TP63: variants seen among roughly 807,000 people sequenced by gnomAD.
The protein encoded by TP63 is tumor protein p63.
In TP63, 17 loss-of-function variants were observed where a neutral mutation model predicts 82.8. That is an observed-to-expected ratio of 0.21 (90% CI 0.14 to 0.31). The LOEUF (loss-of-function observed/expected upper bound fraction) is 0.31. Ranked by LOEUF, TP63 falls within the 10% of genes least tolerant of loss-of-function variation. The probability of loss-of-function intolerance (pLI) is 1.00; values close to 1 mark genes in which losing one functional copy is unlikely to be tolerated. For missense variants in TP63, 648 were observed against 895.3 expected (o/e 0.72, Z 3.52); for synonymous variants, 330 against 321.7 (o/e 1.03, Z -0.28).
intron 1 of TP63, among the ~76,000 whole-genome samples, chr3:189,676,606 G>T (rs551677011): frequency 6.6e-6 from 1 of 151,708 alleles, no homozygotes; most frequent in Admixed American, 6.6e-5. Context: ...AAAAAAAATA[G>T]ACTTAGGGAG....
At chr3:189,675,511 A>G (rs1715310183) in intron 1 of TP63, among the ~76,000 whole-genome samples, 1 of 152,146 alleles carries the variant, frequency 6.6e-6, no homozygotes, top group African/African-American at 2.4e-5. Context: ...TGCTATTTGT[A>G]CCAGGTCACA....
chr3:189,811,395 C>T (rs1317611267), intron 4 of TP63, among the ~76,000 whole-genome samples: 2 of 152,174 alleles, frequency 1.3e-5, no homozygotes, highest in Non-Finnish European at 1.5e-5. Flanking sequence ...ATAAATTTTA[C>T]AATCAGGTTT....
At chr3:189,737,220 G>T (rs189901943) in intron 1 of TP63, among the ~76,000 whole-genome samples, 119 of 152,220 alleles carry the variant, frequency 7.8e-4, no homozygotes, top group African/African-American at 2.6e-3. Context: ...TATTGTCCCT[G>T]AGTGTGATTC....
chr3:189,709,751 A>G (rs1187670977), intron 1 of TP63, among the ~76,000 whole-genome samples: 1 of 152,134 alleles, frequency 6.6e-6, no homozygotes, highest in Non-Finnish European at 1.5e-5. Context: ...TATAATTCCT[A>G]AGAGGACACT....
At chr3:189,643,763 T>C (rs1712143767) in intron 1 of TP63, among the ~76,000 whole-genome samples, 1 of 152,216 alleles carries the variant, frequency 6.6e-6, no homozygotes, top group Non-Finnish European at 1.5e-5. Flanking sequence ...GGTTCTTTAG[T>C]AGAAGCAATG....
In TP63 at chr3:189,844,371, C is replaced by A. The variant is rs185822901; in HGVS notation, c.580-19861C>A. 227 of 370,288 alleles carry A rather than the reference C, an allele frequency of 6.1e-4. No individual in the cohort carries two copies. The Middle Eastern group carries it at 0.015, about 25-fold the overall frequency. 22.9% of individuals were successfully genotyped at this position (370,288 alleles called of 1,614,324 possible). A position where few individuals can be genotyped will look rare whatever the true frequency, so the allele number is the denominator to read the frequency against. On this transcript the variant is annotated intron_variant, in intron 4 of 13. Coordinates refer to ENST00000264731, the MANE Select transcript of TP63 (RefSeq NM_003722.5). ...CACGACCTCAGCTCACTGCAACCTC[C>A]GCCTTCTGGATTCAAGCGATTCTCC...
chr3:189,836,325 T>C (rs1163009309), intron 4 of TP63, among the ~76,000 whole-genome samples: 21 of 152,128 alleles, frequency 1.4e-4, no homozygotes, highest in Admixed American at 1.4e-3. Context: ...TTTACAAACA[T>C]GATCAGCACT....
chr3:189,896,260 T>G lies in TP63; in HGVS notation c.*1758T>G. 1 of 219,524 alleles carries G rather than the reference T, an allele frequency of 4.6e-6. No individual in the cohort carries two copies. Among genetic ancestry groups the G allele is most frequent in the Middle Eastern group, 1.4e-3 (1 of 720 alleles). The allele number at this position is 219,524 out of a possible 1,614,324, so 13.6% of individuals were successfully genotyped here. A position where few individuals can be genotyped will look rare whatever the true frequency, so the allele number is the denominator to read the frequency against. ...CTGAAAAGTGTGTATATATTTTGTG[T>G]GAAATTGCATACTTTGTATTTTGAT... On this transcript the variant is annotated 3_prime_UTR_variant, in exon 14 of 14. Coordinates refer to ENST00000264731, the MANE Select transcript of TP63 (RefSeq NM_003722.5).
At chr3:189,758,891 C>G (rs1722372053) in intron 3 of TP63, among the ~76,000 whole-genome samples, 1 of 152,178 alleles carries the variant, frequency 6.6e-6, no homozygotes, top group Admixed American at 6.5e-5. Flanking sequence ...TTGAACCAGA[C>G]AGACTTCTTA....
intron 3 of TP63, among the ~76,000 whole-genome samples, chr3:189,782,724 GTTTGA>G (rs1463518390): frequency 1.3e-5 from 2 of 152,122 alleles, no homozygotes; most frequent in African/African-American, 2.4e-5. Context: ...ACACAATTTA[GTTTGA>G]TTTAAGACCT....
chr3:189,774,185 G>A (rs1024453078), intron 3 of TP63, among the ~76,000 whole-genome samples: 1 of 152,044 alleles, frequency 6.6e-6, no homozygotes, highest in African/African-American at 2.4e-5. Flanking sequence ...GCCTCCCAAA[G>A]TGCTGGGATT....
intron 4 of TP63, among the ~76,000 whole-genome samples, chr3:189,853,245 T>C (rs879621534): frequency 3.3e-5 from 5 of 152,176 alleles, no homozygotes; most frequent in Non-Finnish European, 7.3e-5. Flanking sequence ...AGTAGTCTTA[T>C]AGAAATAAAA....
intron 4 of TP63, among the ~76,000 whole-genome samples, chr3:189,821,286 A>G (rs1251553706): frequency 6.6e-6 from 1 of 152,128 alleles, no homozygotes; most frequent in Non-Finnish European, 1.5e-5. Flanking sequence ...TTACTTTTGA[A>G]TGTATGTTTC....
intron 3 of TP63, among the ~76,000 whole-genome samples, chr3:189,787,047 T>C (rs766215907): frequency 3.3e-5 from 5 of 152,086 alleles, no homozygotes; most frequent in Non-Finnish European, 5.9e-5. Context: ...AGCTCTTTTA[T>C]GGAAATGTTT....
chr3:189,739,099 A>C (rs1487605223), intron 3 of TP63, among the ~76,000 whole-genome samples: 1 of 152,140 alleles, frequency 6.6e-6, no homozygotes, highest in East Asian at 1.9e-4. Flanking sequence ...ACAGCAAAAG[A>C]ATCAGAAATT....
At chr3:189,811,121 G>T (rs1475596169) in intron 4 of TP63, among the ~76,000 whole-genome samples, 1 of 152,166 alleles carries the variant, frequency 6.6e-6, no homozygotes, top group Non-Finnish European at 1.5e-5. Context: ...AGAAAACCTG[G>T]ATTATGGTCT....
chr3:189,839,025 A>G (rs1296212911), intron 4 of TP63, among the ~76,000 whole-genome samples: 4 of 148,242 alleles, frequency 2.7e-5, no homozygotes, highest in African/African-American at 1.0e-4. Context: ...CTAAAAAGCA[A>G]CTAGTATCCT....
chr3:189,884,317 A>G (rs1402540686), intron 10 of TP63, among the ~76,000 whole-genome samples: 1 of 152,210 alleles, frequency 6.6e-6, no homozygotes, highest in Non-Finnish European at 1.5e-5. Flanking sequence ...TAGTAGCTGG[A>G]GTTACCTCCT....
chr3:189,615,740 AG>A, the TP63 span, among the ~76,000 whole-genome samples: 21 of 152,180 alleles, frequency 1.4e-4, no homozygotes, highest in Non-Finnish European at 2.6e-4. Context: ...TCGTTACCTC[AG>A]GCCATTTCTC....
Sources: gnomAD v4.1 joint callset for allele counts (sites outside exome capture counted in the v4.1 genomes callset) on GRCh38, gnomAD v4.1.1 for gene constraint, MANE v1.5 for transcripts, NCBI Gene and HGNC (gene_info 2026-07-23, HGNC 2026-07-21) for gene names.